The following DNAI7 variants were observed in gnomAD, a reference collection of about 807,000 sequenced individuals.
The protein encoded by DNAI7 is dynein axonemal intermediate chain 7.
Under a neutral mutation model 86.6 loss-of-function variants are expected in DNAI7, and 78 were observed. The observed-to-expected ratio is 0.90, with a 90% CI of 0.75 to 1.09. The LOEUF (loss-of-function observed/expected upper bound fraction) is 1.09. DNAI7 is among the 50% of genes least tolerant of loss of function. DNAI7 has a pLI of 0.00. For synonymous variants in DNAI7, 274 were observed against 273.0 expected (o/e 1.00, Z -0.04); for missense variants, 753 against 810.2 (o/e 0.93, Z 0.86).
intron 4 of DNAI7, among the ~76,000 whole-genome samples, chr12:25,157,904 A>G (rs1485039341): frequency 6.6e-6 from 1 of 152,070 alleles, no homozygotes; most frequent in Non-Finnish European, 1.5e-5. Flanking sequence ...AAAGGTTACA[A>G]GCATAGGCTC....
At chr12:25,182,438 A>G (rs543262676) in intron 2 of DNAI7, among the ~76,000 whole-genome samples, 6 of 151,966 alleles carry the variant, frequency 3.9e-5, no homozygotes, top group Non-Finnish European at 5.9e-5. Context: ...TAATTAACCT[A>G]ATCAACAGTG....
Position 25,161,149 on chromosome 12 carries a change from G to A in DNAI7, c.70C>T (p.Leu24=). The A allele has an allele frequency of 6.2e-7, 1 of 1,613,776 alleles. No individual in the cohort carries two copies. Among genetic ancestry groups the A allele is most frequent in the Non-Finnish European group, 8.5e-7 (1 of 1,179,880 alleles). Residue 24 remains leucine, a synonymous_variant, in exon 3 of 16, where the codon CTA becomes TTA. Coordinates refer to ENST00000395987, the MANE Select transcript of DNAI7 (RefSeq NM_018272.5). ...KVTKAERLKL[L]QEEEERRLKE... ...AGTCGTCTCTCCTCCTCCTCTTGTA[G>A]CAGCTTCAATCGTTCAGCTTTGGTG...
rs1304723540 is a variant in DNAI7, at chr12:25,174,590, TG to T, written c.22-13394del. ...ATATATGGGATATATATCATATATATGGGATATATATATGATATATATATCA... is the reference window on the plus strand; with the variant it reads ...ATATATGGGATATATATCATATATATGGATATATATATGATATATATATCA... On this transcript the variant is annotated intron_variant, in intron 2 of 15. Transcript: ENST00000395987. 8.4e-5 allele frequency among the ~76,000 whole-genome samples: 9 copies of T among 107,034 alleles called. 1 individual carries two copies. The highest frequency in any genetic ancestry group is 2.6e-4 in the African/African-American group (7 of 27,110). The allele number at this position is 107,034 out of a possible 152,430, so 70.2% of individuals were successfully genotyped here. A position where few individuals can be genotyped will look rare whatever the true frequency, so the allele number is the denominator to read the frequency against.
intron 2 of DNAI7, among the ~76,000 whole-genome samples, chr12:25,189,933 T>C (rs1490652505): frequency 6.6e-6 from 1 of 151,048 alleles, no homozygotes; most frequent in African/African-American, 2.4e-5. Context: ...GGTTTCCAAT[T>C]TCTTAAGAAT....
intron 9 of DNAI7, among the ~76,000 whole-genome samples, chr12:25,123,742 A>G (rs1343234088): frequency 6.6e-6 from 1 of 152,178 alleles, no homozygotes; most frequent in Non-Finnish European, 1.5e-5. Context: ...ATTGTACTCT[A>G]GTGCAGTAAA....
intron 14 of DNAI7, among the ~76,000 whole-genome samples, 191 bp downstream of exon 14, chr12:25,111,581 G>A (rs1592165342): frequency 6.6e-6 from 1 of 152,054 alleles, no homozygotes. Flanking sequence ...TATGAAGATC[G>A]CACTACAGGC....
chr12:25,166,165 TAA>T (rs1947439126), intron 2 of DNAI7, among the ~76,000 whole-genome samples: 1 of 152,188 alleles, frequency 6.6e-6, no homozygotes, highest in Admixed American at 6.5e-5. Context: ...TTAAAAGGAT[TAA>T]AGTCTGTTAT....
chr12:25,160,895 G>A (rs1046644758), intron 3 of DNAI7, among the ~76,000 whole-genome samples: 2 of 152,002 alleles, frequency 1.3e-5, no homozygotes, highest in Non-Finnish European at 2.9e-5. Context: ...CTGGGCTCTT[G>A]TATTTTATCT....
At chr12:25,124,206 T>A (rs1440169706) in intron 9 of DNAI7, among the ~76,000 whole-genome samples, 1 of 152,166 alleles carries the variant, frequency 6.6e-6, no homozygotes, top group African/African-American at 2.4e-5. Flanking sequence ...TTACCCATCA[T>A]ACACAGACAA....
intron 3 of DNAI7, 93 bp downstream of exon 3, chr12:25,161,020 A>G (rs1946784033): frequency 1.1e-6 from 1 of 901,906 alleles, no homozygotes. Flanking sequence ...TTAAAATTAA[A>G]GAACTTTGAA....
intron 2 of DNAI7, among the ~76,000 whole-genome samples, chr12:25,178,725 G>A (rs999636488): frequency 7.9e-5 from 12 of 152,120 alleles, no homozygotes; most frequent in Admixed American, 2.6e-4. Flanking sequence ...CCAGATGGCT[G>A]GTGTAGTTGT....
intron 9 of DNAI7, among the ~76,000 whole-genome samples, chr12:25,127,554 T>G (rs1420002949): frequency 1.3e-5 from 2 of 152,196 alleles, no homozygotes; most frequent in Non-Finnish European, 2.9e-5. Context: ...TAAATAACAA[T>G]TTCTAAAAGA....
Position 25,108,492 on chromosome 12 carries a change from C to T in DNAI7, c.*56G>A, listed in dbSNP as rs754498264. ...CTCATTACATTGTGTTGCAGAAATA[C>T]CTGTCTTTCACCATGCTTGGTTCTT... On this transcript the variant is annotated 3_prime_UTR_variant, in exon 16 of 16. Coordinates refer to ENST00000395987, the MANE Select transcript of DNAI7 (RefSeq NM_018272.5). The T allele has an allele frequency of 3.4e-4, 488 of 1,442,486 alleles. No individual in the cohort carries two copies. The highest frequency in any genetic ancestry group is 4.4e-4 in the Non-Finnish European group (466 of 1,059,050). 89.4% of individuals were successfully genotyped at this position (1,442,486 alleles called of 1,614,324 possible). A position where few individuals can be genotyped will look rare whatever the true frequency, so the allele number is the denominator to read the frequency against.
intron 1 of DNAI7, among the ~76,000 whole-genome samples, chr12:25,191,835 CACAGTT>C (rs1312533972): frequency 6.6e-6 from 1 of 152,198 alleles, no homozygotes; most frequent in Non-Finnish European, 1.5e-5. Context: ...AAAAAAGACT[CACAGTT>C]ACAATAATAT....
intron 2 of DNAI7, among the ~76,000 whole-genome samples, chr12:25,162,581 C>T (rs1343968511): frequency 7.9e-5 from 12 of 152,144 alleles, no homozygotes; most frequent in Admixed American, 7.2e-4. Flanking sequence ...ACTCTTGGAT[C>T]TTCTCTTTTT....
chr12:25,156,625 C>G (rs987317056), intron 4 of DNAI7, among the ~76,000 whole-genome samples: 2 of 151,908 alleles, frequency 1.3e-5, no homozygotes, highest in African/African-American at 4.8e-5. Context: ...CCTGTAATCT[C>G]TGCTACTCGG....
intron 9 of DNAI7, among the ~76,000 whole-genome samples, chr12:25,130,160 T>C (rs914691915): frequency 6.6e-6 from 1 of 152,238 alleles, no homozygotes; most frequent in African/African-American, 2.4e-5. Context: ...TGTTAGCTCA[T>C]TAAAAACAAG....
intron 2 of DNAI7, among the ~76,000 whole-genome samples, chr12:25,167,345 C>A (rs562995270): frequency 6.6e-6 from 1 of 152,110 alleles, no homozygotes; most frequent in East Asian, 1.9e-4. Context: ...AATTTGCCCC[C>A]GCCCAGGACT....
At chr12:25,148,165 G>A (rs1301002084) in intron 7 of DNAI7, among the ~76,000 whole-genome samples, 3 of 152,032 alleles carry the variant, frequency 2.0e-5, no homozygotes, top group African/African-American at 7.2e-5. Context: ...TTGTCTTGTA[G>A]AACTGTCCCA....
Sources: allele counts gnomAD v4.1 joint callset (sites outside exome capture counted in the v4.1 genomes callset), GRCh38; gene constraint gnomAD v4.1.1; transcripts MANE v1.5; gene names NCBI Gene and HGNC (gene_info 2026-07-23, HGNC 2026-07-21).